The following STK32C variants were observed in gnomAD, a reference collection of about 807,000 sequenced individuals.
STK32C encodes the protein serine/threonine kinase 32C.
STK32C carries 31 observed loss-of-function variants against 56.5 expected under a neutral mutation model. The observed-to-expected ratio is 0.55, with a 90% CI of 0.41 to 0.74. The LOEUF (loss-of-function observed/expected upper bound fraction) is 0.74, where lower values mean the gene tolerates loss of function less well. Among genes scored for constraint, STK32C ranks in the 30% least tolerant of loss-of-function variants. The pLI, the probability that STK32C is intolerant of heterozygous loss-of-function variation, is 0.00. For missense variants in STK32C, 544 were observed against 676.9 expected (o/e 0.80, Z 2.18); for synonymous variants, 309 against 289.4 (o/e 1.07, Z -0.69).
At position 132,225,203 on chromosome 10, in the gene STK32C, C is replaced by A. The variant is rs747034195; in HGVS notation, c.876+30G>T. The A allele has an allele frequency of 1.2e-5, 19 of 1,556,510 alleles. 1 individual carries two copies. The South Asian group carries it at 2.1e-4, about 17-fold the overall frequency. On this transcript the variant is annotated intron_variant, in intron 7 of 11. Transcript: ENST00000298630. Reference sequence around the variant, plus strand: ...GGGGCAGAGAGCAGGGGCCTGGCAGCCAAGCCCAGGGGCTGCAGGGGGTCC... The same window carrying A: ...GGGGCAGAGAGCAGGGGCCTGGCAGACAAGCCCAGGGGCTGCAGGGGGTCC...
intron 10 of STK32C, among the ~76,000 whole-genome samples, chr10:132,220,394 C>G (rs959640749): frequency 1.3e-5 from 2 of 152,182 alleles, no homozygotes; most frequent in African/African-American, 4.8e-5. Flanking sequence ...CTCAGGCCTC[C>G]AAGCCATGAG....
chr10:132,211,418 C>T (rs1429977569), intron 10 of STK32C, among the ~76,000 whole-genome samples: 1 of 152,192 alleles, frequency 6.6e-6, no homozygotes, highest in Non-Finnish European at 1.5e-5. Flanking sequence ...CATCCTGCAA[C>T]GTCCACAGCC....
At chr10:132,260,298 G>C (rs1259526327) in intron 1 of STK32C, among the ~76,000 whole-genome samples, 4 of 152,148 alleles carry the variant, frequency 2.6e-5, no homozygotes, top group Non-Finnish European at 5.9e-5. Flanking sequence ...AGTCCGGCCC[G>C]GGGTCCTCGC....
chr10:132,279,586 A>T (rs1040674711), intron 1 of STK32C, among the ~76,000 whole-genome samples: 3 of 151,378 alleles, frequency 2.0e-5, no homozygotes, highest in African/African-American at 7.3e-5. Context: ...GATCATGCCC[A>T]CCCGCACTCC....
chr10:132,241,591 T>C (rs1565098904), intron 2 of STK32C, among the ~76,000 whole-genome samples: 1 of 152,224 alleles, frequency 6.6e-6, no homozygotes, highest in Non-Finnish European at 1.5e-5. Context: ...GCGGGGTTAC[T>C]TTCGACCTTG....
intron 2 of STK32C, among the ~76,000 whole-genome samples, chr10:132,238,522 G>C (rs1260852100): frequency 6.6e-6 from 1 of 152,192 alleles, no homozygotes; most frequent in Non-Finnish European, 1.5e-5. Context: ...TTTGAGACTG[G>C]CCTGTGGGAA....
chr10:132,275,744 T>C (rs1169798905), intron 1 of STK32C, among the ~76,000 whole-genome samples: 1 of 152,170 alleles, frequency 6.6e-6, no homozygotes, highest in Non-Finnish European at 1.5e-5. Context: ...AGGGTCTGCC[T>C]TCCTGGGAAA....
intron 10 of STK32C, among the ~76,000 whole-genome samples, chr10:132,216,555 C>A (rs1021034724): frequency 2.0e-5 from 3 of 152,130 alleles, no homozygotes; most frequent in Non-Finnish European, 4.4e-5. Flanking sequence ...ATATTAATCA[C>A]CAAGACAATG....
intron 1 of STK32C, among the ~76,000 whole-genome samples, chr10:132,312,970 G>A (rs1590488283): frequency 6.6e-6 from 1 of 152,318 alleles, no homozygotes. Flanking sequence ...AACCTGTGAG[G>A]TGGAGATTGC....
intron 11 of STK32C, among the ~76,000 whole-genome samples, chr10:132,208,650 G>A (rs112176260): frequency 6.6e-6 from 1 of 152,190 alleles, no homozygotes; most frequent in Non-Finnish European, 1.5e-5. Context: ...TGCCTTGCCT[G>A]CTGCCAGTCA....
chr10:132,283,745 C>T (rs2065287755), intron 1 of STK32C, among the ~76,000 whole-genome samples: 2 of 152,168 alleles, frequency 1.3e-5, no homozygotes, highest in African/African-American at 4.8e-5. Context: ...GTGCCATACA[C>T]GTCCGACTCC....
intron 1 of STK32C, among the ~76,000 whole-genome samples, chr10:132,247,746 C>T (rs1033846949): frequency 8.5e-5 from 13 of 152,172 alleles, no homozygotes; most frequent in African/African-American, 2.4e-4. Flanking sequence ...CTGCACAAGA[C>T]GGTAGTGGGG....
intron 1 of STK32C, among the ~76,000 whole-genome samples, chr10:132,292,606 T>C (rs2065602834): frequency 1.3e-5 from 2 of 152,212 alleles, no homozygotes; most frequent in South Asian, 2.1e-4. Flanking sequence ...TCCATATTCA[T>C]GCACTCCCAT....
At chr10:132,331,992 A>C, upstream of STK32C, 5 of 338,036 alleles carry the variant, frequency 1.5e-5, no homozygotes, top group Admixed American at 1.2e-4. Flanking sequence ...CAGGCGCACC[A>C]CACCCGACCC....
intron 1 of STK32C, among the ~76,000 whole-genome samples, chr10:132,269,573 A>AT (rs1564761942): frequency 1.3e-5 from 2 of 152,158 alleles, no homozygotes; most frequent in African/African-American, 4.8e-5. Flanking sequence ...TGATGGATTG[A>AT]TTTTCCCCAA....
intron 6 of STK32C, 67 bp from the exon 7 acceptor site, chr10:132,225,403 C>T (rs756174619): frequency 1.4e-5 from 22 of 1,583,116 alleles, no homozygotes; most frequent in Admixed American, 5.3e-5. Flanking sequence ...GGCACAGGGC[C>T]GGCACCTTGA....
chr10:132,245,611 G>A (rs1425478691), intron 2 of STK32C, among the ~76,000 whole-genome samples: 1 of 152,230 alleles, frequency 6.6e-6, no homozygotes, highest in Non-Finnish European at 1.5e-5. Context: ...CGCAGGCACA[G>A]CCTGGCCTCT....
intron 1 of STK32C, among the ~76,000 whole-genome samples, chr10:132,300,150 G>A (rs951202115): frequency 2.6e-5 from 4 of 152,234 alleles, no homozygotes; most frequent in Non-Finnish European, 4.4e-5. Flanking sequence ...TTCGGAGGAC[G>A]GAGAGTCATG....
In STK32C at chr10:132,211,176, ACT is replaced by A. The variant is rs140144687; in HGVS notation, c.1252-2077_1252-2076del. Among the ~76,000 whole-genome samples, 1,204 of 151,912 alleles carry A rather than the reference ACT, an allele frequency of 7.9e-3. 17 individuals carry two copies. The highest frequency in any genetic ancestry group is 0.026 in the African/African-American group (1,070 of 41,376). On this transcript the variant is annotated intron_variant, in intron 10 of 11. Transcript: ENST00000298630. ...GCTGGGTGATCTGCTGTGTCTCAGC[ACT>A]CTCTGGTCTAACCCTGATATAGACA...
Sources: allele counts gnomAD v4.1 joint callset (sites outside exome capture counted in the v4.1 genomes callset), GRCh38; gene constraint gnomAD v4.1.1; transcripts MANE v1.5; gene names NCBI Gene and HGNC (gene_info 2026-07-23, HGNC 2026-07-21).